The following MBNL1 variants were observed in gnomAD, a reference collection of about 807,000 sequenced individuals.
The protein encoded by MBNL1 is muscleblind-like protein 1.
In MBNL1, 8 loss-of-function variants were observed where a neutral mutation model predicts 42.2. The observed-to-expected ratio is 0.19, with a 90% CI of 0.11 to 0.34. The LOEUF (loss-of-function observed/expected upper bound fraction) is 0.34, where lower values mean the gene tolerates loss of function less well. Among genes scored for constraint, MBNL1 ranks in the 10% least tolerant of loss-of-function variants. MBNL1 has a pLI of 1.00. For missense variants in MBNL1, 309 were observed against 495.3 expected (o/e 0.62, Z 3.57); for synonymous variants, 169 against 173.9 (o/e 0.97, Z 0.22).
At chr3:152,270,796 TTTATTA>T (rs959875725) in intron 1 of MBNL1, among the ~76,000 whole-genome samples, 3 of 152,076 alleles carry the variant, frequency 2.0e-5, no homozygotes, top group African/African-American at 7.2e-5. Context: ...TGGGAGTTAC[TTTATTA>T]TTATTATTAT....
chr3:152,297,275 A>G (rs965498712), intron 1 of MBNL1, among the ~76,000 whole-genome samples: 1 of 59,060 alleles, frequency 1.7e-5, no homozygotes, highest in Non-Finnish European at 3.5e-5. Flanking sequence ...TTTTTTTTTT[A>G]TAGAAACTGG....
At chr3:152,372,419 T>C (rs1327062029) in intron 2 of MBNL1, among the ~76,000 whole-genome samples, 3 of 152,230 alleles carry the variant, frequency 2.0e-5, no homozygotes, top group African/African-American at 7.2e-5. Context: ...TGGTTTTTCC[T>C]CATCTCCCTG....
chr3:152,277,144 T>C (rs1464814888), intron 1 of MBNL1, among the ~76,000 whole-genome samples: 1 of 152,236 alleles, frequency 6.6e-6, no homozygotes, highest in Non-Finnish European at 1.5e-5. Flanking sequence ...GATTATAACT[T>C]AAGTAGAAGA....
At chr3:152,421,572 T>G (rs2098805599) in intron 3 of MBNL1, among the ~76,000 whole-genome samples, 1 of 152,070 alleles carries the variant, frequency 6.6e-6, no homozygotes, top group Admixed American at 6.5e-5. Flanking sequence ...TGCAGAAAAT[T>G]CACATTCAGG....
chr3:152,283,730 A>AGCC, intron 1 of MBNL1, among the ~76,000 whole-genome samples: 1 of 152,326 alleles, frequency 6.6e-6, no homozygotes, highest in East Asian at 1.9e-4. Flanking sequence ...ATCTTCTGCC[A>AGCC]GCCCCATTAC....
chr3:152,300,125 TTGC>T lies in MBNL1; in HGVS notation c.-67_-65del. On this transcript the variant is annotated 5_prime_UTR_variant, in exon 2 of 10. Coordinates refer to ENST00000324210, the MANE Select transcript of MBNL1 (RefSeq NM_021038.5). ...CAGTTCAGCTTTTTTTTTTTGGTTG[TTGC>T]TCTTTTTTGGGGGGGTTGGGTTTGT... 1 of 1,000,358 alleles carries T rather than the reference TTGC, an allele frequency of 1.0e-6. No individual in the cohort carries two copies. The highest frequency in any genetic ancestry group is 1.5e-6 in the Non-Finnish European group (1 of 688,718). The allele number at this position is 1,000,358 out of a possible 1,614,324, so 62.0% of individuals were successfully genotyped here.
chr3:152,309,676 G>A lies in MBNL1; in HGVS notation c.174+9309G>A, dbSNP rs543768765. ...TTCTGCAAAAATACAGACATAATCA[G>A]TGTTTAGGATCTGCTTGTGATGGAT... On this transcript the variant is annotated intron_variant, in intron 2 of 9. Transcript: ENST00000324210. 2.0e-5 allele frequency among the ~76,000 whole-genome samples: 3 copies of A among 152,310 alleles called. No individual in the cohort carries two copies. In the East Asian group the frequency reaches 5.8e-4, roughly 29 times the overall value.
intron 2 of MBNL1, among the ~76,000 whole-genome samples, chr3:152,332,692 TTGTGTGTGTGTGTGTGTGTG>T (rs71144115): frequency 1.2e-4 from 16 of 132,998 alleles, no homozygotes; most frequent in Admixed American, 3.0e-4. Context: ...TTTCATGGTT[TTGTGTGTGTGTGTGTGTGTG>T]TGTGTGTGTG....
At chr3:152,268,552 G>C (rs1411711834), upstream of MBNL1, 2 of 349,798 alleles carry the variant, frequency 5.7e-6, no homozygotes, top group Non-Finnish European at 1.1e-5. Flanking sequence ...TAGAAGAAGC[G>C]GGAGGGCGTC....
chr3:152,425,299 A>G (rs562384588), intron 3 of MBNL1, among the ~76,000 whole-genome samples: 1 of 151,302 alleles, frequency 6.6e-6, no homozygotes, highest in East Asian at 1.9e-4. Flanking sequence ...AATGTATGAA[A>G]AAAAGCTCAT....
intron 2 of MBNL1, among the ~76,000 whole-genome samples, chr3:152,411,670 G>C (rs1259705713): frequency 6.6e-6 from 1 of 152,170 alleles, no homozygotes; most frequent in Non-Finnish European, 1.5e-5. Flanking sequence ...GTGAACTTTA[G>C]ATACCGATGA....
chr3:152,284,341 T>A (rs148808361), intron 1 of MBNL1, among the ~76,000 whole-genome samples: 319 of 152,244 alleles, frequency 2.1e-3, no homozygotes, highest in Non-Finnish European at 3.5e-3. Flanking sequence ...TAATTTTTTT[T>A]AATTGTTTTG....
intron 2 of MBNL1, among the ~76,000 whole-genome samples, chr3:152,326,660 CATG>C (rs890592596): frequency 1.2e-4 from 18 of 151,870 alleles, no homozygotes; most frequent in South Asian, 2.1e-4. Flanking sequence ...GGAAAAAATG[CATG>C]ATATTTATCA....
intron 2 of MBNL1, among the ~76,000 whole-genome samples, chr3:152,405,220 T>C (rs1422653501): frequency 1.3e-5 from 2 of 152,186 alleles, no homozygotes; most frequent in East Asian, 3.8e-4. Context: ...TTACAGATGA[T>C]CAAGTGGGAT....
At chr3:152,368,687 C>A (rs2096534193) in intron 2 of MBNL1, among the ~76,000 whole-genome samples, 1 of 152,128 alleles carries the variant, frequency 6.6e-6, no homozygotes, top group African/African-American at 2.4e-5. Context: ...TCTCTTATTT[C>A]CTTGAGCAGT....
chr3:152,340,274 C>T, intron 2 of MBNL1: 2 of 408,042 alleles, frequency 4.9e-6, no homozygotes, highest in East Asian at 4.6e-5. Flanking sequence ...GGCATCACTG[C>T]ACCCCAGCCT....
chr3:152,307,550 C>T (rs1014276973), intron 2 of MBNL1, among the ~76,000 whole-genome samples: 1 of 152,014 alleles, frequency 6.6e-6, no homozygotes, highest in African/African-American at 2.4e-5. Context: ...TATTTTGTCC[C>T]TATAAAATCT....
chr3:152,418,309 C>G (rs1244962028), intron 3 of MBNL1, among the ~76,000 whole-genome samples: 1 of 152,164 alleles, frequency 6.6e-6, no homozygotes, highest in African/African-American at 2.4e-5. Flanking sequence ...GCTTTTGGCA[C>G]TCATGATGTG....
intron 1 of MBNL1, among the ~76,000 whole-genome samples, chr3:152,295,407 A>G (rs1173342122): frequency 1.3e-5 from 2 of 152,210 alleles, no homozygotes; most frequent in African/African-American, 4.8e-5. Context: ...GTCTTCTTAC[A>G]TATATTGTCT....
Sources: allele counts gnomAD v4.1 joint callset (sites outside exome capture counted in the v4.1 genomes callset), GRCh38; gene constraint gnomAD v4.1.1; transcripts MANE v1.5; gene names NCBI Gene and HGNC (gene_info 2026-07-23, HGNC 2026-07-21).